Variants in DSCAM observed in about 807,000 individuals in gnomAD.
The protein encoded by DSCAM is DS cell adhesion molecule.
Under a neutral mutation model 217.7 loss-of-function variants are expected in DSCAM, and 47 were observed. The ratio of observed to expected loss-of-function variants is 0.22; its 90% CI spans 0.17 to 0.28. DSCAM has a LOEUF of 0.28. DSCAM is among the 10% of genes least tolerant of loss of function. The pLI, the probability that DSCAM is intolerant of heterozygous loss-of-function variation, is 1.00. For missense variants in DSCAM, 2,080 were observed against 2,618.3 expected (o/e 0.79, Z 4.49); for synonymous variants, 1,056 against 1,015.3 (o/e 1.04, Z -0.76).
chr21:40,311,963 TGAG>T, intron 9 of DSCAM, 115 bp downstream of exon 9: 1 of 290,082 alleles, frequency 3.4e-6, no homozygotes, highest in Non-Finnish European at 5.6e-6. Flanking sequence ...TTTTTTTTAG[TGAG>T]ATAAAACTGA....
intron 3 of DSCAM, among the ~76,000 whole-genome samples, chr21:40,501,121 T>C (rs2076167205): frequency 1.3e-5 from 2 of 152,212 alleles, no homozygotes; most frequent in African/African-American, 4.8e-5. Flanking sequence ...CAGGACACCA[T>C]TTCAATCTAA....
rs1032615589 is a variant in DSCAM, at chr21:40,025,913, G to A, written c.5687-12527C>T. Among the ~76,000 whole-genome samples, 3 of 149,846 alleles carry A rather than the reference G, an allele frequency of 2.0e-5. 1 individual carries two copies. Among genetic ancestry groups the A allele is most frequent in the African/African-American group, 7.4e-5 (3 of 40,366 alleles). On this transcript the variant is annotated intron_variant, in intron 32 of 32. Coordinates refer to ENST00000400454, the MANE Select transcript of DSCAM (RefSeq NM_001389.5). ...TTTAGTTATTTCTTGCCTTCTGCTAGCTTTTGAATGTGTTTGCTCTTGCTT... is the reference window on the plus strand; with the variant it reads ...TTTAGTTATTTCTTGCCTTCTGCTAACTTTTGAATGTGTTTGCTCTTGCTT...
At chr21:40,706,858 A>G (rs2090723343) in intron 2 of DSCAM, among the ~76,000 whole-genome samples, 1 of 152,242 alleles carries the variant, frequency 6.6e-6, no homozygotes, top group African/African-American at 2.4e-5. Context: ...ATGACTGCCC[A>G]TCTTATATGT....
intron 3 of DSCAM, among the ~76,000 whole-genome samples, chr21:40,619,981 A>AAAAG (rs200974407): frequency 5.7e-4 from 82 of 142,726 alleles, no homozygotes; most frequent in South Asian, 2.2e-3. Flanking sequence ...AAGGAAAAGA[A>AAAAG]AAAGAAAGAG....
chr21:40,746,152 A>G (rs2091172633), intron 1 of DSCAM, among the ~76,000 whole-genome samples: 1 of 151,960 alleles, frequency 6.6e-6, no homozygotes, highest in Admixed American at 6.6e-5. Flanking sequence ...GAAAGGATCT[A>G]TAAAACAACC....
In DSCAM at chr21:40,133,936, G is replaced by A; in HGVS notation, c.3480C>T (p.Asn1160=). The change falls in exon 19 of 33, where the codon AAC becomes AAT. Residue 1160 remains asparagine (N), a synonymous_variant. Coordinates refer to ENST00000400454, the MANE Select transcript of DSCAM (RefSeq NM_001389.5). The part of the protein sequence containing the change: ...LELDGLEKYT[N]YSIQVLAFTR... ...TGAAGGCCAGCACCTGGATGCTGTAGTTGGTGTACTTTTCCAGCCCGTCCA... is the reference window on the plus strand; with the variant it reads ...TGAAGGCCAGCACCTGGATGCTGTAATTGGTGTACTTTTCCAGCCCGTCCA... 1 of 1,613,608 alleles carries A rather than the reference G, an allele frequency of 6.2e-7. No individual in the cohort carries two copies. Among genetic ancestry groups the A allele is most frequent in the East Asian group, 2.2e-5 (1 of 44,788 alleles).
rs1244810001 is a variant in DSCAM, at chr21:40,044,151, C to T, written c.5310G>A (p.Leu1770=). ...SAHTLTTDWR[L]PTPRAAGSVD... Reference sequence around the variant, plus strand: ...CTGATCCTGCAGCCCTGGGTGTTGGCAGCCTCCAGTCTGTGGTGAGGGTGT... The same window carrying T: ...CTGATCCTGCAGCCCTGGGTGTTGGTAGCCTCCAGTCTGTGGTGAGGGTGT... Residue 1770 remains leucine (L), a synonymous_variant, in exon 31 of 33, where the codon CTG becomes CTA. Transcript: ENST00000400454. The T allele has an allele frequency of 6.8e-6, 11 of 1,614,120 alleles. No homozygotes were observed. Among genetic ancestry groups the T allele is most frequent in the Non-Finnish European group, 9.3e-6 (11 of 1,180,024 alleles).
chr21:40,273,874 A>G (rs1202978406), intron 11 of DSCAM, among the ~76,000 whole-genome samples: 1 of 152,156 alleles, frequency 6.6e-6, no homozygotes, highest in Non-Finnish European at 1.5e-5. Context: ...TCCATCCCTG[A>G]GGGCTCCCCC....
chr21:40,514,395 T>C (rs1306870150), intron 3 of DSCAM, among the ~76,000 whole-genome samples: 2 of 152,230 alleles, frequency 1.3e-5, no homozygotes, highest in Non-Finnish European at 2.9e-5. Flanking sequence ...CAGGGCTCAC[T>C]GTTAGAAACT....
At chr21:40,230,730 T>C (rs2091373674) in intron 11 of DSCAM, among the ~76,000 whole-genome samples, 1 of 152,212 alleles carries the variant, frequency 6.6e-6, no homozygotes, top group Non-Finnish European at 1.5e-5. Flanking sequence ...GTGTGTTGTG[T>C]TAATTCCCAG....
chr21:40,418,314 G>A, intron 3 of DSCAM, among the ~76,000 whole-genome samples: 1 of 152,130 alleles, frequency 6.6e-6, no homozygotes, highest in East Asian at 1.9e-4. Context: ...CTTTGACATG[G>A]TATCTGAGCA....
At chr21:40,075,963 G>A (rs940761547) in intron 26 of DSCAM, among the ~76,000 whole-genome samples, 6 of 152,048 alleles carry the variant, frequency 3.9e-5, no homozygotes, top group African/African-American at 1.4e-4. Context: ...TCTAAACACA[G>A]GCATCCACTT....
chr21:40,341,921 T>C (rs897421400), intron 6 of DSCAM, among the ~76,000 whole-genome samples: 16 of 152,176 alleles, frequency 1.1e-4, no homozygotes, highest in Admixed American at 2.6e-4. Context: ...TTCTTCAGCC[T>C]CTTTTGTGTT....
chr21:40,552,017 G>T (rs1361635401), intron 3 of DSCAM, among the ~76,000 whole-genome samples: 2 of 152,138 alleles, frequency 1.3e-5, no homozygotes, highest in East Asian at 1.9e-4. Flanking sequence ...CAGAAAAATT[G>T]TAAGAGTTCT....
Position 40,730,673 on chromosome 21 carries a change from T to C in DSCAM, c.44-21902A>G, listed in dbSNP as rs919029711. Among the ~76,000 whole-genome samples the C allele has an allele frequency of 3.3e-5, 5 of 151,740 alleles. No individual in the cohort carries two copies. In the East Asian group the frequency reaches 7.8e-4, roughly 24 times the overall value. On this transcript the variant is annotated intron_variant, in intron 1 of 32. Coordinates refer to ENST00000400454, the MANE Select transcript of DSCAM (RefSeq NM_001389.5). ...TAAGAGGCCACCTGATGTGATGTGC[T>C]GGAAGACTGTTGCCAAGGCAACACA... is the stretch of plus-strand genomic sequence containing the variant.
At chr21:40,356,850 C>T (rs528008541) in intron 4 of DSCAM, among the ~76,000 whole-genome samples, 4 of 152,238 alleles carry the variant, frequency 2.6e-5, no homozygotes, top group Admixed American at 6.5e-5. Context: ...GCTGTGATTC[C>T]GTAGTCAGCC....
chr21:40,146,118 G>A (rs550642870), intron 16 of DSCAM, among the ~76,000 whole-genome samples: 73 of 152,284 alleles, frequency 4.8e-4, no homozygotes, highest in African/African-American at 1.1e-3. Flanking sequence ...GACCTGCAGA[G>A]AGGAAATAAG....
At chr21:40,249,677 G>A (rs1284549599) in intron 11 of DSCAM, among the ~76,000 whole-genome samples, 1 of 152,194 alleles carries the variant, frequency 6.6e-6, no homozygotes, top group African/African-American at 2.4e-5. Context: ...TGGAGTGTGT[G>A]ATGTGGCAGG....
intron 3 of DSCAM, among the ~76,000 whole-genome samples, chr21:40,570,030 C>T (rs938128420): frequency 1.3e-5 from 2 of 152,098 alleles, no homozygotes; most frequent in South Asian, 4.2e-4. Flanking sequence ...TCCCCAAGTA[C>T]CCTGCAGTGG....
Sources: allele counts gnomAD v4.1 joint callset (sites outside exome capture counted in the v4.1 genomes callset), GRCh38; gene constraint gnomAD v4.1.1; transcripts MANE v1.5; gene names NCBI Gene and HGNC (gene_info 2026-07-23, HGNC 2026-07-21).